CEP63: variants seen among roughly 807,000 people sequenced by gnomAD.
CEP63 encodes centrosomal protein of 63 kDa.
In CEP63, 84 loss-of-function variants were observed where a neutral mutation model predicts 89.1. That is an observed-to-expected ratio of 0.94 (90% CI 0.79 to 1.13). The LOEUF (loss-of-function observed/expected upper bound fraction) is 1.13. CEP63 is among the 50% of genes most tolerant of loss of function. The pLI is 0.00. For missense variants in CEP63, 838 were observed against 813.3 expected, an observed-to-expected ratio of 1.03 and a Z score of -0.37; for synonymous variants, 267 against 272.5, an observed-to-expected ratio of 0.98 and a Z score of 0.20.
At chr3:134,588,360 A>G (rs1958529011), downstream of CEP63, among the ~76,000 whole-genome samples, 1 of 152,252 alleles carries the variant, frequency 6.6e-6, no homozygotes, top group Non-Finnish European at 1.5e-5. Context: ...TGCTCAACAA[A>G]TTCAAATGAA....
chr3:134,769,583 C>T, the CEP63 span, among the ~76,000 whole-genome samples: 5 of 152,212 alleles, frequency 3.3e-5, no homozygotes, highest in Non-Finnish European at 7.3e-5. Context: ...GTGCCTTGTA[C>T]ATAATTGAAG....
At chr3:134,532,046 A>G in intron 4 of CEP63, 106 bp downstream of exon 4, 1 of 700,374 alleles carries the variant, frequency 1.4e-6, no homozygotes, top group Non-Finnish European at 2.5e-6. Context: ...TGGGAAATAC[A>G]TACTCCATCA....
intron 6 of CEP63, among the ~76,000 whole-genome samples, chr3:134,540,670 T>C (rs1044414750): frequency 6.6e-6 from 1 of 152,036 alleles, no homozygotes. Flanking sequence ...TACATTGTTT[T>C]AATATGAGTG....
intron 1 of CEP63, among the ~76,000 whole-genome samples, chr3:134,489,685 C>T (rs1936965590): frequency 6.6e-6 from 1 of 152,208 alleles, no homozygotes; most frequent in Non-Finnish European, 1.5e-5. Context: ...GAAGAACTTT[C>T]CCTTTCCAGC....
chr3:134,619,083 T>C, the CEP63 span: 1 of 1,334,068 alleles, frequency 7.5e-7, no homozygotes. Context: ...CAAAGGCACA[T>C]GGCACTGTGG....
At chr3:134,516,403 G>A (rs982417363) in intron 3 of CEP63, among the ~76,000 whole-genome samples, 2 of 152,178 alleles carry the variant, frequency 1.3e-5, no homozygotes, top group Non-Finnish European at 2.9e-5. Context: ...ATGGGCAGGA[G>A]ACAGATGCCT....
the CEP63 span, among the ~76,000 whole-genome samples, chr3:134,669,280 G>A: frequency 1.2e-4 from 19 of 152,076 alleles, no homozygotes; most frequent in East Asian, 3.8e-4. Context: ...TGCCCACCTC[G>A]GCCTCCAAAG....
At chr3:134,731,883 A>C in the CEP63 span, among the ~76,000 whole-genome samples, 2 of 152,194 alleles carry the variant, frequency 1.3e-5, no homozygotes, top group African/African-American at 4.8e-5. Flanking sequence ...GTTTGACAAT[A>C]AGTGCAAAAT....
the CEP63 span, chr3:134,608,954 A>AC: frequency 8.2e-7 from 1 of 1,217,724 alleles, no homozygotes; most frequent in African/African-American, 1.5e-5. Context: ...ACCATCTCCG[A>AC]CCCTAACATG....
the CEP63 span, among the ~76,000 whole-genome samples, chr3:134,639,083 T>TTC: frequency 6.6e-6 from 1 of 151,440 alleles, no homozygotes; most frequent in African/African-American, 2.4e-5. Flanking sequence ...TTTTTTTTTT[T>TTC]TTCCTGCAGT....
chr3:134,500,399 C>T, intron 2 of CEP63, among the ~76,000 whole-genome samples: 1 of 150,032 alleles, frequency 6.7e-6, no homozygotes, highest in South Asian at 2.4e-4. Context: ...TTGCGATGAA[C>T]ATGTGAGCGC....
chr3:134,642,439 C>A, the CEP63 span, among the ~76,000 whole-genome samples: 1 of 152,184 alleles, frequency 6.6e-6, no homozygotes, highest in South Asian at 2.1e-4. Context: ...AGCAGTTAAC[C>A]AAGGTGGGCG....
the CEP63 span, among the ~76,000 whole-genome samples, chr3:134,741,986 C>CTG: frequency 7.1e-6 from 1 of 141,324 alleles, no homozygotes; most frequent in Non-Finnish European, 1.5e-5. Context: ...TCTGAGAGAC[C>CTG]AGTGTGTGTG....
At chr3:134,620,287 G>A in the CEP63 span, among the ~76,000 whole-genome samples, 66 of 152,344 alleles carry the variant, frequency 4.3e-4, no homozygotes, top group African/African-American at 1.5e-3. Context: ...AATGTTGCTA[G>A]TGTGGGAGCA....
rs568135152 is a variant in CEP63 at position 134,564,120 on chromosome 3, C to T, written c.*2585C>T. ...ATTACTTGATTTATGTTTGTACTGT[C>T]TATTTCTGTCTTTAGAATTAAAACT... On this transcript the variant is annotated 3_prime_UTR_variant, in exon 15 of 15. Coordinates refer to ENST00000675561, the MANE Select transcript of CEP63 (RefSeq NM_001353108.3). 25 of 221,486 alleles carry T rather than the reference C, an allele frequency of 1.1e-4. No homozygotes were observed. Among genetic ancestry groups the T allele is most frequent in the African/African-American group, 5.6e-4 (24 of 42,748 alleles). 13.7% of individuals were successfully genotyped at this position (221,486 alleles called of 1,614,324 possible). A position where few individuals can be genotyped will look rare whatever the true frequency, so the allele number is the denominator to read the frequency against.
In CEP63 at chr3:134,562,686, C is replaced by T. The variant is rs1444844430; in HGVS notation, c.*1151C>T. On this transcript the variant is annotated 3_prime_UTR_variant, in exon 15 of 15. Coordinates refer to ENST00000675561, the MANE Select transcript of CEP63 (RefSeq NM_001353108.3). ...CTCTTCCTAACCCTCTCCAACACCACTTCCATCCCCAGACTGCTTTCTTGC... is the reference window on the plus strand; with the variant it reads ...CTCTTCCTAACCCTCTCCAACACCATTTCCATCCCCAGACTGCTTTCTTGC... 1 of 152,476 alleles carries T rather than the reference C, an allele frequency of 6.6e-6. No individual in the cohort carries two copies. 9.4% of individuals were successfully genotyped at this position (152,476 alleles called of 1,614,324 possible). A position where few individuals can be genotyped will look rare whatever the true frequency, so the allele number is the denominator to read the frequency against.
chr3:134,739,545 A>G, the CEP63 span, among the ~76,000 whole-genome samples: 2 of 152,220 alleles, frequency 1.3e-5, no homozygotes, highest in African/African-American at 4.8e-5. Flanking sequence ...AATGCACTAT[A>G]CATACTATAA....
chr3:134,697,313 G>T, the CEP63 span, among the ~76,000 whole-genome samples: 1 of 152,178 alleles, frequency 6.6e-6, no homozygotes, highest in Non-Finnish European at 1.5e-5. Context: ...TTAGTGTTGG[G>T]TGGAGGCTTT....
chr3:134,653,560 C>G, the CEP63 span, among the ~76,000 whole-genome samples: 1 of 152,190 alleles, frequency 6.6e-6, no homozygotes, highest in African/African-American at 2.4e-5. Flanking sequence ...CCTGGGTTGA[C>G]TTAGCTGCTT....
Sources: gnomAD v4.1 joint callset for allele counts (sites outside exome capture counted in the v4.1 genomes callset) on GRCh38, gnomAD v4.1.1 for gene constraint, MANE v1.5 for transcripts, NCBI Gene and HGNC (gene_info 2026-07-23, HGNC 2026-07-21) for gene names.